MPDZ: variants seen among roughly 807,000 people sequenced by gnomAD.
MPDZ encodes multiple PDZ domain protein.
Under a neutral mutation model 239.1 loss-of-function variants are expected in MPDZ, and 234 were observed. The observed-to-expected ratio is 0.98, with a 90% CI of 0.88 to 1.09. The LOEUF is 1.09. Ranked by LOEUF, MPDZ falls within the 50% of genes least tolerant of loss-of-function variation. The pLI is 0.00. For synonymous variants in MPDZ, 1,048 were observed against 881.3 expected (o/e 1.19, Z -3.35); for missense variants, 3,175 against 2,510.0 (o/e 1.26, Z -5.66).
intron 21 of MPDZ, among the ~76,000 whole-genome samples, chr9:13,174,902 A>C (rs1377007757): frequency 6.6e-6 from 1 of 152,322 alleles, no homozygotes; most frequent in Admixed American, 6.5e-5. Flanking sequence ...CCACTCATCA[A>C]GTAAGCACTG....
intron 5 of MPDZ, among the ~76,000 whole-genome samples, chr9:13,223,315 C>A (rs989232029): frequency 6.6e-6 from 1 of 151,910 alleles, no homozygotes; most frequent in Non-Finnish European, 1.5e-5. Flanking sequence ...ATTTAATTAA[C>A]AATGAAAATA....
chr9:13,203,664 A>G (rs1956646676), intron 12 of MPDZ, among the ~76,000 whole-genome samples: 2 of 150,852 alleles, frequency 1.3e-5, no homozygotes, highest in African/African-American at 4.9e-5. Flanking sequence ...TTTGTGCTTT[A>G]TTTTGTTTAA....
At chr9:13,250,940 C>G (rs1967804685) in intron 1 of MPDZ, among the ~76,000 whole-genome samples, 1 of 151,576 alleles carries the variant, frequency 6.6e-6, no homozygotes, top group Non-Finnish European at 1.5e-5. Flanking sequence ...ACCAGCCTGG[C>G]CAACATGGTG....
chr9:13,169,408 G>A (rs1022125800), intron 21 of MPDZ, among the ~76,000 whole-genome samples: 9 of 151,930 alleles, frequency 5.9e-5, no homozygotes, highest in South Asian at 2.1e-4. Flanking sequence ...TAGAAATACC[G>A]GGGTCTTTCT....
intron 8 of MPDZ, among the ~76,000 whole-genome samples, chr9:13,218,663 T>A (rs1958670852): frequency 6.6e-6 from 1 of 151,894 alleles, no homozygotes; most frequent in African/African-American, 2.4e-5. Context: ...TAAAAAAGAA[T>A]TTGTAGCAAC....
At chr9:13,157,277 A>G (rs1949939959) in intron 24 of MPDZ, among the ~76,000 whole-genome samples, 1 of 152,142 alleles carries the variant, frequency 6.6e-6, no homozygotes, top group Non-Finnish European at 1.5e-5. Flanking sequence ...TTTACTCTTA[A>G]GGTGAAATAC....
chr9:13,222,397 C>A lies in MPDZ; in HGVS notation c.583G>T (p.Ala195Ser), dbSNP rs1276657480. Residue 195 changes from alanine to serine, a missense_variant, in exon 6 of 47, where the codon GCT (alanine) becomes TCT (serine). By Grantham distance (99) the Ala-to-Ser change is moderately conservative. Transcript: ENST00000319217. ...TGATGTGTAATTGTCTGATCAAGAG[C>A]CTGTCCATTGATAGCAAGAATTTGA... ...TDQILAINGQ[A>S]LDQTITHQQA... The A allele has an allele frequency of 2.5e-6, 4 of 1,612,574 alleles. No homozygotes were observed. Among genetic ancestry groups the A allele is most frequent in the Non-Finnish European group, 2.5e-6 (3 of 1,179,186 alleles).
At chr9:13,139,286 T>C (rs1403982045) in intron 28 of MPDZ, among the ~76,000 whole-genome samples, 2 of 152,186 alleles carry the variant, frequency 1.3e-5, no homozygotes, top group East Asian at 1.9e-4. Flanking sequence ...AAATAAAACT[T>C]TTTAAAACAA....
chr9:13,230,338 C>G (rs1161225880), intron 3 of MPDZ, among the ~76,000 whole-genome samples: 2 of 152,088 alleles, frequency 1.3e-5, no homozygotes, highest in African/African-American at 4.8e-5. Flanking sequence ...TAGGTCCACA[C>G]AAAATCCATA....
At chr9:13,172,284 G>A (rs1951869765) in intron 21 of MPDZ, among the ~76,000 whole-genome samples, 1 of 151,990 alleles carries the variant, frequency 6.6e-6, no homozygotes, top group Admixed American at 6.6e-5. Context: ...TGGAAATGAA[G>A]CAGAAAAGTT....
chr9:13,106,665 G>A lies in MPDZ; in HGVS notation c.*300C>T, dbSNP rs575456641. ...TTCTTTATACTAACCAGCTTAGCATGTAATAATTCTTGCCCATGTGACTAC... is the reference window on the plus strand; with the variant it reads ...TTCTTTATACTAACCAGCTTAGCATATAATAATTCTTGCCCATGTGACTAC... On this transcript the variant is annotated 3_prime_UTR_variant, in exon 47 of 47. Transcript: ENST00000319217. The A allele has an allele frequency of 1.1e-5, 3 of 263,306 alleles. No homozygotes were observed. The highest frequency in any genetic ancestry group is 6.5e-5 in the African/African-American group (3 of 46,264). The allele number at this position is 263,306 out of a possible 1,614,324, so 16.3% of individuals were successfully genotyped here. A position where few individuals can be genotyped will look rare whatever the true frequency, so the allele number is the denominator to read the frequency against.
intron 25 of MPDZ, among the ~76,000 whole-genome samples, chr9:13,149,624 G>A (rs1587267305): frequency 6.6e-6 from 1 of 152,168 alleles, no homozygotes; most frequent in Admixed American, 6.6e-5. Context: ...GGCAGGCACA[G>A]TGCCTTGTTT....
In MPDZ at chr9:13,140,115, G is replaced by T; in HGVS notation, c.3875C>A (p.Ala1292Asp). 6.2e-7 allele frequency: 1 copy of T among 1,613,442 alleles called. No individual in the cohort carries two copies. Among genetic ancestry groups the T allele is most frequent in the East Asian group, 2.2e-5 (1 of 44,718 alleles). The change falls in exon 28 of 47, where the codon GCT (alanine) becomes GAT (aspartate). Residue 1292 changes from alanine to aspartate, a missense_variant. Physicochemically the swap from Ala to Asp is moderately radical, Grantham distance 126. Transcript: ENST00000319217. ...PSQSESEPEK[A>D]PLCSVPPPPP... Reference sequence around the variant, plus strand: ...GGGTGGGGGCACACTGCACAATGGAGCCTTCTCTGGCTCTGACTCTGACTG... The same window carrying T: ...GGGTGGGGGCACACTGCACAATGGATCCTTCTCTGGCTCTGACTCTGACTG...
chr9:13,130,153 T>C (rs1945746792), intron 32 of MPDZ, among the ~76,000 whole-genome samples: 1 of 152,218 alleles, frequency 6.6e-6, no homozygotes, highest in Non-Finnish European at 1.5e-5. Flanking sequence ...TAATCAAAAA[T>C]GTTTTCTGAT....
chr9:13,243,004 C>A (rs1049789310), intron 3 of MPDZ, among the ~76,000 whole-genome samples: 1 of 152,140 alleles, frequency 6.6e-6, no homozygotes, highest in African/African-American at 2.4e-5. Flanking sequence ...GCTCTGTATC[C>A]CTGTAAACAT....
chr9:13,216,791 C>T lies in MPDZ; in HGVS notation c.1273G>A (p.Gly425Arg), dbSNP rs766488949. The T allele has an allele frequency of 6.2e-7, 1 of 1,608,190 alleles. No individual in the cohort carries two copies. The highest frequency in any genetic ancestry group is 8.5e-7 in the Non-Finnish European group (1 of 1,176,826). ...AVEHDGRIQI[G>R]DQIIAVDGTN... ...TAACTTACTGCTATAATTTGGTCTC[C>T]AATTTGGATTCTTCCATCATGCTCA... The change falls in exon 10 of 47, where the codon GGA becomes AGA. Residue 425 changes from glycine (G) to arginine (R), a missense_variant. Gly to Arg is a moderately radical substitution (Grantham distance 125). Transcript: ENST00000319217.
At chr9:13,199,169 G>A (rs543772209) in intron 12 of MPDZ, among the ~76,000 whole-genome samples, 1 of 151,970 alleles carries the variant, frequency 6.6e-6, no homozygotes, top group East Asian at 1.9e-4. Flanking sequence ...ATATTTTTGT[G>A]TCCTTTTCAA....
At chr9:13,258,990 C>T (rs1400246856) in intron 1 of MPDZ, among the ~76,000 whole-genome samples, 1 of 152,008 alleles carries the variant, frequency 6.6e-6, no homozygotes, top group Non-Finnish European at 1.5e-5. Flanking sequence ...GAGACCGAGG[C>T]AGGAGAATCG....
In MPDZ at chr9:13,190,139, A is replaced by T. The variant is rs898605655; in HGVS notation, c.2129T>A (p.Leu710His). ...CTGATAATCTAAAATGCTAAAACCA[A>T]GTCCTTTGCTCCCTTTCTCCAGCTC... ...HIELEKGSKGLGFSILDYQDP... is the reference protein window; with the variant it reads ...HIELEKGSKGHGFSILDYQDP... Residue 710 changes from leucine (L) to histidine (H), a missense_variant, in exon 16 of 47, where the codon CTT (leucine) becomes CAT (histidine). Physicochemically the swap from Leu to His is moderately conservative, Grantham distance 99 (BLOSUM62 -3). Coordinates refer to ENST00000319217, the MANE Select transcript of MPDZ (RefSeq NM_001378778.1). 1 of 1,612,862 alleles carries T rather than the reference A, an allele frequency of 6.2e-7. No individual in the cohort carries two copies. Among genetic ancestry groups the T allele is most frequent in the South Asian group, 1.1e-5 (1 of 90,964 alleles).
Sources: allele counts gnomAD v4.1 joint callset (sites outside exome capture counted in the v4.1 genomes callset), GRCh38; gene constraint gnomAD v4.1.1; transcripts MANE v1.5; gene names NCBI Gene and HGNC (gene_info 2026-07-23, HGNC 2026-07-21).